METAP2: variants seen among roughly 807,000 people sequenced by gnomAD.
METAP2 encodes methionyl aminopeptidase 2.
A neutral mutation model predicts 59.4 loss-of-function variants in METAP2; 25 were observed. The ratio of observed to expected loss-of-function variants is 0.42; its 90% CI spans 0.31 to 0.59. The LOEUF is 0.59. Ranked by LOEUF, METAP2 falls within the 20% of genes least tolerant of loss-of-function variation. The pLI, the probability that METAP2 is intolerant of heterozygous loss-of-function variation, is 0.16. For synonymous variants in METAP2, 214 were observed against 194.1 expected (o/e 1.10, Z -0.85); for missense variants, 366 against 581.2 (o/e 0.63, Z 3.81).
At chr12:95,495,913 T>G in intron 6 of METAP2, 91 bp from the exon 7 acceptor site, 2 of 774,306 alleles carry the variant, frequency 2.6e-6, no homozygotes. Flanking sequence ...TATTTTTCTG[T>G]TAAACTAGCA....
chr12:95,492,109 A>G (rs958407410), intron 4 of METAP2, among the ~76,000 whole-genome samples: 5 of 142,354 alleles, frequency 3.5e-5, no homozygotes, highest in South Asian at 4.6e-4. Flanking sequence ...CACCTGGCCT[A>G]TCGTGTGTAT....
intron 7 of METAP2, among the ~76,000 whole-genome samples, chr12:95,499,028 A>G (rs75183591): frequency 6.7e-6 from 1 of 150,332 alleles, no homozygotes; most frequent in Non-Finnish European, 1.5e-5. Flanking sequence ...AAAAAAAAAA[A>G]GAAATCATTT....
chr12:95,513,987 G>A lies in METAP2; in HGVS notation c.*83G>A, dbSNP rs202212052. 3.9e-5 allele frequency: 57 copies of A among 1,468,532 alleles called. No individual in the cohort carries two copies. Among genetic ancestry groups the A allele is most frequent in the Non-Finnish European group, 5.2e-5 (56 of 1,087,192 alleles). 91.0% of individuals were successfully genotyped at this position (1,468,532 alleles called of 1,614,324 possible). A position where few individuals can be genotyped will look rare whatever the true frequency, so the allele number is the denominator to read the frequency against. On this transcript the variant is annotated 3_prime_UTR_variant, in exon 11 of 11. Transcript: ENST00000323666. ...TACCAGAATTAATTTGCCACATGTT[G>A]TCTGTTTTAACAGTGGACCCATGTA...
At chr12:95,479,187 C>T (rs2076141547) in intron 2 of METAP2, among the ~76,000 whole-genome samples, 1 of 152,072 alleles carries the variant, frequency 6.6e-6, no homozygotes, top group African/African-American at 2.4e-5. Context: ...ATTTTGGAGG[C>T]CTCTTAGAAA....
At chr12:95,489,912 G>T (rs1442478417) in intron 4 of METAP2, among the ~76,000 whole-genome samples, 1 of 152,176 alleles carries the variant, frequency 6.6e-6, no homozygotes, top group East Asian at 1.9e-4. Context: ...ATAGTACAAA[G>T]AATTCCCACA....
At chr12:95,486,291 T>TA (rs66733682) in intron 4 of METAP2, among the ~76,000 whole-genome samples, 44,618 of 151,742 alleles carry the variant, frequency 0.29, 7,176 homozygotes, top group East Asian at 0.48. Flanking sequence ...TCCCCCCTCA[T>TA]ATGTATTCAT....
At chr12:95,504,801 G>C (rs2140161126) in intron 8 of METAP2, among the ~76,000 whole-genome samples, 1 of 152,362 alleles carries the variant, frequency 6.6e-6, no homozygotes, top group South Asian at 2.1e-4. Flanking sequence ...ACTGCTCCTA[G>C]CCTGTGGTTT....
At chr12:95,495,620 A>C (rs2076270683) in intron 6 of METAP2, among the ~76,000 whole-genome samples, 1 of 152,178 alleles carries the variant, frequency 6.6e-6, no homozygotes, top group Non-Finnish European at 1.5e-5. Context: ...CTAAGGTTTC[A>C]CTACCTTGGA....
Position 95,476,075 on chromosome 12 carries a change from G to A in METAP2, c.156G>A (p.Gly52=). 6.3e-7 allele frequency: 1 copy of A among 1,598,460 alleles called. No individual in the cohort carries two copies. Among genetic ancestry groups the A allele is most frequent in the South Asian group, 1.1e-5 (1 of 89,120 alleles). ...CTGCTATTTTATTTTGATCAGCAGG[G>A]GAACAGGAACCTGATAAAGAATCAG... The part of the protein sequence containing the change: ...KKKSKGPSAA[G]EQEPDKESGA... Residue 52 remains glycine, a synonymous_variant, in exon 2 of 11, where the codon GGG becomes GGA. Transcript: ENST00000323666.
In METAP2 at chr12:95,489,518, T is replaced by C. The variant is rs202215019; in HGVS notation, c.428+3537T>C. 1.1e-3 allele frequency among the ~76,000 whole-genome samples: 170 copies of C among 152,356 alleles called. 4 individuals carry two copies. In the East Asian group the frequency reaches 0.024, roughly 22 times the overall value. ...TTACATTCATATAACCAGTTTTGAC[T>C]ATTTGCAAATAGATCAGATTCAGTA... is the stretch of plus-strand genomic sequence containing the variant. On this transcript the variant is annotated intron_variant, in intron 4 of 10. Transcript: ENST00000323666.
chr12:95,493,806 A>G (rs2076256664), intron 4 of METAP2, among the ~76,000 whole-genome samples: 1 of 152,226 alleles, frequency 6.6e-6, no homozygotes, highest in African/African-American at 2.4e-5. Flanking sequence ...TTGTCAGGGT[A>G]TTAGTTCCTC....
chr12:95,503,889 C>T (rs1211899394), intron 7 of METAP2, among the ~76,000 whole-genome samples, 176 bp from the exon 8 acceptor site: 4 of 152,172 alleles, frequency 2.6e-5, no homozygotes, highest in Non-Finnish European at 5.9e-5. Context: ...GAGGCAGATT[C>T]CTGGTGCTTA....
chr12:95,498,203 T>C (rs2076289651), intron 7 of METAP2, among the ~76,000 whole-genome samples: 1 of 151,186 alleles, frequency 6.6e-6, no homozygotes, highest in Non-Finnish European at 1.5e-5. Context: ...ATTCCTGAGC[T>C]CAAGCTGCAC....
At chr12:95,477,135 G>C (rs548904749) in intron 2 of METAP2, among the ~76,000 whole-genome samples, 3 of 151,516 alleles carry the variant, frequency 2.0e-5, no homozygotes, top group Non-Finnish European at 2.9e-5. Context: ...ACCGAGTCTC[G>C]CTCTGTCGCA....
Position 95,474,209 on chromosome 12 carries a change from C to T in METAP2, c.30C>T (p.Ser10=), listed in dbSNP as rs1334354459. The T allele has an allele frequency of 6.2e-7, 1 of 1,614,150 alleles. No homozygotes were observed. The highest frequency in any genetic ancestry group is 2.2e-5 in the East Asian group (1 of 44,874). ...CGGGTGTGGAGGAGGTAGCGGCCTC[C>T]GGGAGCCACCTGAATGGCGACCTGG... MAGVEEVAA[S]GSHLNGDLDP... The change falls in exon 1 of 11, where the codon TCC becomes TCT. Residue 10 remains serine (S), a synonymous_variant. Coordinates refer to ENST00000323666, the MANE Select transcript of METAP2 (RefSeq NM_006838.4).
intron 4 of METAP2, 90 bp from the exon 5 acceptor site, chr12:95,493,966 T>C (rs2076257915): frequency 1.8e-6 from 2 of 1,114,640 alleles, no homozygotes; most frequent in Non-Finnish European, 2.6e-6. Flanking sequence ...TGTATTTTTA[T>C]TTGAACTGTC....
rs905260585 is a variant in METAP2 at position 95,514,154 on chromosome 12, A to T, written c.*250A>T. 1 of 481,426 alleles carries T rather than the reference A, an allele frequency of 2.1e-6. No individual in the cohort carries two copies. Among genetic ancestry groups the T allele is most frequent in the South Asian group, 3.9e-5 (1 of 25,852 alleles). 29.8% of individuals were successfully genotyped at this position (481,426 alleles called of 1,614,324 possible). On this transcript the variant is annotated 3_prime_UTR_variant, in exon 11 of 11. Transcript: ENST00000323666. ...GTCTAGGAAAATGCTATAAAGCTCAAATTAGTTAGGAATGACTTATACGTT... is the reference window on the plus strand; with the variant it reads ...GTCTAGGAAAATGCTATAAAGCTCATATTAGTTAGGAATGACTTATACGTT...
rs1416125013 is a variant in METAP2 at position 95,483,204 on chromosome 12, T to A, written c.260-11T>A. On this transcript the variant is annotated splice_polypyrimidine_tract_variant and intron_variant, in intron 2 of 10. Transcript: ENST00000323666. ...TTTAAATGAACATGTACTTGAAATG[T>A]CTTTTCTTAGATGGAGATGGCGATG... is the stretch of plus-strand genomic sequence containing the variant. 6.2e-7 allele frequency: 1 copy of A among 1,607,262 alleles called. No homozygotes were observed. Among genetic ancestry groups the A allele is most frequent in the East Asian group, 2.2e-5 (1 of 44,834 alleles).
At chr12:95,491,937 T>TG (rs2076240500) in intron 4 of METAP2, among the ~76,000 whole-genome samples, 3 of 152,190 alleles carry the variant, frequency 2.0e-5, no homozygotes, top group African/African-American at 7.2e-5. Flanking sequence ...CCCAAGTAGC[T>TG]GGGACTACAG....
Sources: allele counts gnomAD v4.1 joint callset (sites outside exome capture counted in the v4.1 genomes callset), GRCh38; gene constraint gnomAD v4.1.1; transcripts MANE v1.5; gene names NCBI Gene and HGNC (gene_info 2026-07-23, HGNC 2026-07-21).